TANC2: variants seen among roughly 807,000 people sequenced by gnomAD.
The protein encoded by TANC2 is protein TANC2.
In TANC2, 26 loss-of-function variants were observed where a neutral mutation model predicts 210.5. That is an observed-to-expected ratio of 0.12 (90% confidence interval 0.09 to 0.17). The LOEUF (loss-of-function observed/expected upper bound fraction) is 0.17. Among genes scored for constraint, TANC2 ranks in the 10% least tolerant of loss-of-function variants. The pLI, the probability that TANC2 is intolerant of heterozygous loss-of-function variation, is 1.00. For synonymous variants in TANC2, 931 were observed against 967.1 expected, an observed-to-expected ratio of 0.96 and a Z score of 0.69; for missense variants, 2,129 against 2,608.9, an observed-to-expected ratio of 0.82 and a Z score of 4.01.
At chr17:63,165,532 A>G (rs768811813) in intron 5 of TANC2, among the ~76,000 whole-genome samples, 11 of 151,986 alleles carry the variant, frequency 7.2e-5, no homozygotes, top group Non-Finnish European at 1.2e-4. Flanking sequence ...CTTTCCCATT[A>G]CCCGGTCTGT....
intron 8 of TANC2, among the ~76,000 whole-genome samples, chr17:63,253,409 A>G (rs1449252387): frequency 6.6e-6 from 1 of 152,008 alleles, no homozygotes; most frequent in Admixed American, 6.5e-5. Flanking sequence ...CACTTTGTTG[A>G]TTGTTTCCTC....
intron 5 of TANC2, among the ~76,000 whole-genome samples, chr17:63,160,332 G>A (rs1445091373): frequency 6.6e-6 from 1 of 152,142 alleles, no homozygotes; most frequent in African/African-American, 2.4e-5. Flanking sequence ...TTGAGGCCAG[G>A]AGTTCAAGGC....
chr17:63,288,510 C>T (rs928160024), intron 9 of TANC2, among the ~76,000 whole-genome samples: 4 of 152,148 alleles, frequency 2.6e-5, no homozygotes, highest in African/African-American at 9.7e-5. Flanking sequence ...TGGGTAAAGT[C>T]ATCTATGGAT....
At chr17:63,034,589 C>G (rs2034898736) in intron 2 of TANC2, among the ~76,000 whole-genome samples, 1 of 152,082 alleles carries the variant, frequency 6.6e-6, no homozygotes, top group African/African-American at 2.4e-5. Flanking sequence ...AATGGAAATT[C>G]TGGAAAGGAT....
chr17:63,032,151 A>G (rs545167080), intron 2 of TANC2, among the ~76,000 whole-genome samples: 146 of 152,298 alleles, frequency 9.6e-4, no homozygotes, highest in Non-Finnish European at 1.8e-3. Context: ...CAAATAGTAG[A>G]ACATAGCTAC....
intron 1 of TANC2, among the ~76,000 whole-genome samples, chr17:62,970,379 A>G: frequency 6.6e-6 from 1 of 152,218 alleles, no homozygotes; most frequent in Admixed American, 6.5e-5. Flanking sequence ...CTTCACTTGT[A>G]AAACTTAATT....
At chr17:63,315,381 A>G (rs1193201944) in intron 10 of TANC2, among the ~76,000 whole-genome samples, 1 of 152,170 alleles carries the variant, frequency 6.6e-6, no homozygotes, top group Admixed American at 6.5e-5. Flanking sequence ...AGGTTAAGTA[A>G]GTTCTGCTAG....
chr17:63,176,239 C>T (rs756936089), intron 5 of TANC2, among the ~76,000 whole-genome samples: 8 of 152,184 alleles, frequency 5.3e-5, no homozygotes, highest in African/African-American at 9.6e-5. Flanking sequence ...AAAGACTTTA[C>T]ATGGACATTT....
At chr17:63,316,337 C>G (rs950648661) in intron 10 of TANC2, among the ~76,000 whole-genome samples, 2 of 152,098 alleles carry the variant, frequency 1.3e-5, no homozygotes, top group Non-Finnish European at 2.9e-5. Flanking sequence ...ATCAGAGTTG[C>G]AGATAACAGA....
intron 2 of TANC2, among the ~76,000 whole-genome samples, chr17:63,064,883 T>C (rs2036140000): frequency 6.6e-6 from 1 of 152,156 alleles, no homozygotes; most frequent in South Asian, 2.1e-4. Flanking sequence ...TTTTTGCTTT[T>C]TGTGGAGAAT....
At chr17:63,101,106 T>C (rs1390232072) in intron 4 of TANC2, among the ~76,000 whole-genome samples, 1 of 152,184 alleles carries the variant, frequency 6.6e-6, no homozygotes, top group Non-Finnish European at 1.5e-5. Context: ...ATAAGAATTG[T>C]CTAGTTTAAC....
chr17:62,992,147 C>T (rs965160243), intron 1 of TANC2, among the ~76,000 whole-genome samples: 1 of 152,154 alleles, frequency 6.6e-6, no homozygotes, highest in Non-Finnish European at 1.5e-5. Flanking sequence ...ACGTAATAGA[C>T]TTAAGCATCT....
intron 7 of TANC2, among the ~76,000 whole-genome samples, chr17:63,217,208 G>A (rs1232182583): frequency 2.6e-5 from 4 of 152,132 alleles, no homozygotes; most frequent in Non-Finnish European, 2.9e-5. Flanking sequence ...AAATCATACA[G>A]AGCAGAGATC....
intron 3 of TANC2, among the ~76,000 whole-genome samples, chr17:63,085,784 A>C (rs2036941163): frequency 6.6e-6 from 1 of 152,178 alleles, no homozygotes; most frequent in Non-Finnish European, 1.5e-5. Context: ...TGAACAACTT[A>C]TGTGTTAGAA....
At chr17:63,107,732 A>G (rs2037881365) in intron 4 of TANC2, among the ~76,000 whole-genome samples, 1 of 151,742 alleles carries the variant, frequency 6.6e-6, no homozygotes, top group African/African-American at 2.4e-5. Flanking sequence ...ATGTTATACA[A>G]TTGCAGTTAT....
intron 2 of TANC2, among the ~76,000 whole-genome samples, chr17:63,036,707 T>G (rs1376866165): frequency 2.0e-5 from 3 of 152,198 alleles, no homozygotes. Context: ...AGAACATTTT[T>G]TCCATGTGGG....
chr17:63,297,241 A>C (rs921676008), intron 9 of TANC2, among the ~76,000 whole-genome samples: 1 of 152,198 alleles, frequency 6.6e-6, no homozygotes, highest in African/African-American at 2.4e-5. Flanking sequence ...TGGACTTGCA[A>C]GGGGCCCTGA....
At position 63,421,683 on chromosome 17, in the gene TANC2, G is replaced by A. The variant is rs370984925; in HGVS notation, c.5953G>A (p.Ala1985Thr). 1 of 1,613,942 alleles carries A rather than the reference G, an allele frequency of 6.2e-7. No individual in the cohort carries two copies. The highest frequency in any genetic ancestry group is 1.3e-5 in the African/African-American group (1 of 74,940). Residue 1985 changes from alanine to threonine, a missense_variant, in exon 28 of 28, where the codon GCC becomes ACC. By Grantham distance (58) the Ala-to-Thr change is moderately conservative. Around this residue, in one of 5 missense-constraint regions of TANC2, gnomAD observed 161 missense variants for 178.6 expected, o/e 0.90. Coordinates refer to ENST00000689528, the Ensembl canonical transcript of TANC2. The surrounding 1 kb of genome is among the most constrained non-coding windows in gnomAD (Gnocchi z 6.9). ...TCCACCATCATCCATCAGCAACATT[G>A]CCTTTTATAACAAAACCAACAATGC...
chr17:63,333,290 G>T (rs1188121573), intron 11 of TANC2, among the ~76,000 whole-genome samples: 1 of 152,106 alleles, frequency 6.6e-6, no homozygotes, highest in Non-Finnish European at 1.5e-5. Context: ...TTCATAGGAG[G>T]TCAATATTAA....
Sources: gnomAD v4.1 joint callset for allele counts (sites outside exome capture counted in the v4.1 genomes callset) on GRCh38, gnomAD v4.1.1 for gene constraint, gnomAD v4.1.1 regional missense constraint, Gnocchi (gnomAD v3.1) non-coding constraint, MANE v1.5 for transcripts, NCBI Gene and HGNC (gene_info 2026-07-23, HGNC 2026-07-21) for gene names.